The following XKR3 variants were observed in gnomAD, a reference collection of about 807,000 sequenced individuals.
XKR3 encodes XK-related protein 3.
XKR3 carries 27 observed loss-of-function variants against 40.3 expected under a neutral mutation model. The observed-to-expected ratio is 0.67, with a 90% CI of 0.49 to 0.92. XKR3 has a LOEUF of 0.92. Ranked by LOEUF, XKR3 falls within the 40% of genes least tolerant of loss-of-function variation. The probability of loss-of-function intolerance (pLI) is 0.00; values close to 1 mark genes in which losing one functional copy is unlikely to be tolerated. For missense variants in XKR3, 472 were observed against 537.6 expected (o/e 0.88, Z 1.21); for synonymous variants, 193 against 195.4 (o/e 0.99, Z 0.10).
At chr22:16,784,503 C>T (rs2060081828) in intron 3 of XKR3, 94 bp from the exon 4 acceptor site, 1 of 1,105,814 alleles carries the variant, frequency 9.0e-7, no homozygotes, top group South Asian at 1.7e-5. Context: ...TATATTCTTC[C>T]TCACCCACCT....
At chr22:16,800,161 G>T in intron 2 of XKR3, 137 bp from the exon 3 acceptor site, 1 of 990,708 alleles carries the variant, frequency 1.0e-6, no homozygotes. Flanking sequence ...TAATCACACT[G>T]GATAAAAAAT....
intron 2 of XKR3, among the ~76,000 whole-genome samples, chr22:16,800,530 T>C (rs894462191): frequency 1.3e-5 from 2 of 152,222 alleles, no homozygotes; most frequent in East Asian, 1.9e-4. Flanking sequence ...TTTTGACTTA[T>C]GATTTTTCTC....
intron 1 of XKR3, among the ~76,000 whole-genome samples, chr22:16,811,149 C>T (rs947654315): frequency 7.4e-6 from 1 of 135,162 alleles, no homozygotes; most frequent in Non-Finnish European, 1.6e-5. Flanking sequence ...TAGGAAGTAA[C>T]AAAGTCTTGC....
chr22:16,813,041 T>C (rs2060218915), intron 1 of XKR3, among the ~76,000 whole-genome samples: 1 of 152,080 alleles, frequency 6.6e-6, no homozygotes, highest in African/African-American at 2.4e-5. Context: ...TCCCAGCACT[T>C]TGGGAGGCCG....
intron 3 of XKR3, among the ~76,000 whole-genome samples, chr22:16,790,809 C>T (rs2060112607): frequency 6.6e-6 from 1 of 150,612 alleles, no homozygotes; most frequent in Non-Finnish European, 1.5e-5. Flanking sequence ...CAAAAGAAGA[C>T]ATGTAAATCA....
chr22:16,812,679 A>C (rs1271844029), intron 1 of XKR3, among the ~76,000 whole-genome samples: 1 of 152,080 alleles, frequency 6.6e-6, no homozygotes, highest in Non-Finnish European at 1.5e-5. Context: ...CGTCTAAAAA[A>C]TAATAATAAT....
At chr22:16,821,968 A>AT (rs1162886965) in intron 1 of XKR3, among the ~76,000 whole-genome samples, 3 of 152,138 alleles carry the variant, frequency 2.0e-5, no homozygotes, top group Non-Finnish European at 4.4e-5. Flanking sequence ...TTTTAAAATC[A>AT]CTATTAAAAA....
At chr22:16,806,153 G>A (rs1172877356) in intron 2 of XKR3, among the ~76,000 whole-genome samples, 1 of 151,824 alleles carries the variant, frequency 6.6e-6, no homozygotes, top group Admixed American at 6.6e-5. Flanking sequence ...CAGCTACTTG[G>A]AAGGCTGAGA....
At chr22:16,800,158 A>G (rs1422547106) in intron 2 of XKR3, 134 bp from the exon 3 acceptor site, 3 of 1,002,322 alleles carry the variant, frequency 3.0e-6, no homozygotes, top group Non-Finnish European at 4.3e-6. Context: ...ACTTAATCAC[A>G]CTGGATAAAA....
chr22:16,804,562 A>G (rs975238381), intron 2 of XKR3, among the ~76,000 whole-genome samples: 1 of 152,186 alleles, frequency 6.6e-6, no homozygotes, highest in African/African-American at 2.4e-5. Context: ...AGCACTTTTA[A>G]AAGGTGTGAA....
intron 3 of XKR3, among the ~76,000 whole-genome samples, chr22:16,794,020 T>G (rs1361203896): frequency 9.2e-5 from 14 of 152,056 alleles, no homozygotes; most frequent in Non-Finnish European, 2.9e-5. Context: ...TCAAAATGAA[T>G]AAAACATCCA....
At chr22:16,808,754 C>T (rs1434951810) in intron 1 of XKR3, among the ~76,000 whole-genome samples, 7 of 151,842 alleles carry the variant, frequency 4.6e-5, no homozygotes, top group South Asian at 2.1e-4. Context: ...GTAGACAAAC[C>T]GCCAGAAAAA....
chr22:16,819,548 G>C (rs753611401), intron 1 of XKR3, among the ~76,000 whole-genome samples: 1 of 152,084 alleles, frequency 6.6e-6, no homozygotes, highest in African/African-American at 2.4e-5. Flanking sequence ...AGGGCAAGTG[G>C]ACATCCATAG....
intron 2 of XKR3, among the ~76,000 whole-genome samples, chr22:16,803,735 G>A (rs1477420466): frequency 6.6e-6 from 1 of 152,142 alleles, no homozygotes; most frequent in Non-Finnish European, 1.5e-5. Flanking sequence ...CAAATGCCAT[G>A]GCAACATCAG....
intron 2 of XKR3, among the ~76,000 whole-genome samples, chr22:16,801,040 G>A (rs2060166652): frequency 6.6e-6 from 1 of 152,048 alleles, no homozygotes; most frequent in African/African-American, 2.4e-5. Context: ...AAGAGAGAAA[G>A]GAGCATCTAA....
At chr22:16,794,201 A>G (rs2060131666) in intron 3 of XKR3, among the ~76,000 whole-genome samples, 1 of 152,100 alleles carries the variant, frequency 6.6e-6, no homozygotes, top group Admixed American at 6.6e-5. Context: ...AAAATAGAGA[A>G]CCCCAGCCAG....
At chr22:16,818,388 G>T (rs1054913984) in intron 1 of XKR3, among the ~76,000 whole-genome samples, 1 of 151,774 alleles carries the variant, frequency 6.6e-6, no homozygotes, top group African/African-American at 2.4e-5. Context: ...AAAGATACTG[G>T]GTTTTCTTAT....
chr22:16,796,798 A>C (rs2060143026), intron 3 of XKR3, among the ~76,000 whole-genome samples: 1 of 152,220 alleles, frequency 6.6e-6, no homozygotes, highest in African/African-American at 2.4e-5. Flanking sequence ...TTCTTCACAA[A>C]ATTAGAAAAA....
At chr22:16,817,873 T>C (rs1195929835) in intron 1 of XKR3, among the ~76,000 whole-genome samples, 1 of 152,276 alleles carries the variant, frequency 6.6e-6, no homozygotes, top group East Asian at 1.9e-4. Context: ...GAATTATTTG[T>C]TACTTAACAA....
Sources: gnomAD v4.1 joint callset for allele counts (sites outside exome capture counted in the v4.1 genomes callset) on GRCh38, gnomAD v4.1.1 for gene constraint, MANE v1.5 for transcripts, NCBI Gene and HGNC (gene_info 2026-07-23, HGNC 2026-07-21) for gene names.